The following OR51B5 variants were observed in gnomAD, a reference collection of about 807,000 sequenced individuals.
The protein encoded by OR51B5 is olfactory receptor family 51 subfamily B member 5.
For synonymous variants in OR51B5, 186 were observed against 144.8 expected, an observed-to-expected ratio of 1.28 and a Z score of -2.04; for missense variants, 456 against 374.6, an observed-to-expected ratio of 1.22 and a Z score of -1.79.
chr11:5,417,647 T>C (rs1850263759), intron 1 of OR51B5, among the ~76,000 whole-genome samples: 1 of 151,352 alleles, frequency 6.6e-6, no homozygotes, highest in South Asian at 2.1e-4. Context: ...AGAAGACATT[T>C]ATGCAGCCAA....
chr11:5,398,523 G>A (rs909102142), intron 1 of OR51B5, among the ~76,000 whole-genome samples: 2 of 152,186 alleles, frequency 1.3e-5, no homozygotes, highest in African/African-American at 4.8e-5. Flanking sequence ...TCCCACCTGA[G>A]GCTCAGAGGC....
chr11:5,369,228 G>A (rs1428409019), intron 1 of OR51B5, among the ~76,000 whole-genome samples: 1 of 58,662 alleles, frequency 1.7e-5, no homozygotes, highest in Non-Finnish European at 4.1e-5. Context: ...TTCTAGTACT[G>A]TACTGAATGA....
At position 5,452,232 on chromosome 11, in the gene OR51B5, C is replaced by T. The variant is rs192284019; in HGVS notation, n.84+53337G>A. Among the ~76,000 whole-genome samples the T allele has an allele frequency of 3.3e-3, 497 of 152,040 alleles. 1 individual carries two copies. The highest frequency in any genetic ancestry group is 5.7e-3 in the Non-Finnish European group (388 of 67,992). On this transcript the variant is annotated intron_variant and non_coding_transcript_variant, in intron 1 of 4. Coordinates refer to the OR51B5 transcript ENST00000415970. ...TATAAAGATCAAGAGGGGCCGGGCA[C>T]GGTGGCTCACGCCTGTAATCCCAGC... is the stretch of plus-strand genomic sequence containing the variant.
At chr11:5,433,702 A>C (rs1390764059) in intron 1 of OR51B5, among the ~76,000 whole-genome samples, 1 of 152,144 alleles carries the variant, frequency 6.6e-6, no homozygotes, top group African/African-American at 2.4e-5. Context: ...GCATGGTGGC[A>C]CATGCCTGTA....
At chr11:5,411,433 T>C (rs1352996434) in intron 1 of OR51B5, among the ~76,000 whole-genome samples, 1 of 151,488 alleles carries the variant, frequency 6.6e-6, no homozygotes, top group Admixed American at 6.6e-5. Flanking sequence ...CAATATTGAC[T>C]AACAACACAT....
intron 1 of OR51B5, among the ~76,000 whole-genome samples, chr11:5,475,913 T>G (rs17297624): frequency 0.11 from 16,187 of 152,258 alleles, 912 homozygotes; most frequent in Middle Eastern, 0.17. Context: ...TCTTTGCCAT[T>G]GTATCTAGAT....
intron 1 of OR51B5, among the ~76,000 whole-genome samples, chr11:5,385,674 A>C (rs1435764681): frequency 6.8e-6 from 1 of 147,454 alleles, no homozygotes; most frequent in African/African-American, 2.5e-5. Context: ...AAGAATACGT[A>C]TAAATACTAC....
chr11:5,411,472 G>A (rs4910557), intron 1 of OR51B5, among the ~76,000 whole-genome samples: 9,045 of 65,592 alleles, frequency 0.14, 303 homozygotes, highest in South Asian at 0.25. Context: ...GTTGCTAAGT[G>A]ACACATGACT....
chr11:5,344,344 T>G (rs573879594), upstream of OR51B5, among the ~76,000 whole-genome samples: 1 of 152,228 alleles, frequency 6.6e-6, no homozygotes, highest in African/African-American at 2.4e-5. Flanking sequence ...CTTTTTCTTT[T>G]TAAATTATTT....
chr11:5,442,337 C>T (rs936827143), intron 1 of OR51B5, among the ~76,000 whole-genome samples: 2 of 152,160 alleles, frequency 1.3e-5, no homozygotes, highest in African/African-American at 4.8e-5. Context: ...CTTATACACA[C>T]CTTTATTCAT....
intron 1 of OR51B5, among the ~76,000 whole-genome samples, chr11:5,464,777 T>C (rs2133796214): frequency 6.6e-6 from 1 of 152,288 alleles, no homozygotes; most frequent in African/African-American, 2.4e-5. Flanking sequence ...AGCAGCAAGA[T>C]TTATATTCCT....
Position 5,372,948 on chromosome 11 carries a change from A to G in OR51B5, n.85-26038T>C, listed in dbSNP as rs116566279. Among the ~76,000 whole-genome samples, 444 of 152,342 alleles carry G rather than the reference A, an allele frequency of 2.9e-3. 1 individual carries two copies. Among genetic ancestry groups the G allele is most frequent in the African/African-American group, 0.01 (420 of 41,566 alleles). ...ATTACAAAGCTATAGTAACCAAAAAAGTATGGTACTATCACATAAATAGAC... is the reference window on the plus strand; with the variant it reads ...ATTACAAAGCTATAGTAACCAAAAAGGTATGGTACTATCACATAAATAGAC... On this transcript the variant is annotated intron_variant and non_coding_transcript_variant, in intron 1 of 4. Coordinates refer to the OR51B5 transcript ENST00000415970.
chr11:5,411,728 A>G (rs954126336), intron 1 of OR51B5, among the ~76,000 whole-genome samples: 17 of 152,208 alleles, frequency 1.1e-4, no homozygotes, highest in African/African-American at 3.6e-4. Context: ...AGTCCTGCAT[A>G]ATCAAGTGAG....
chr11:5,429,623 G>A (rs922055426), intron 1 of OR51B5, among the ~76,000 whole-genome samples: 2 of 152,118 alleles, frequency 1.3e-5, no homozygotes, highest in African/African-American at 4.8e-5. Flanking sequence ...AGGCAAACAT[G>A]GGCAGATGCA....
At chr11:5,449,756 T>A (rs1040060885) in intron 1 of OR51B5, among the ~76,000 whole-genome samples, 39 of 152,326 alleles carry the variant, frequency 2.6e-4, no homozygotes, top group African/African-American at 8.9e-4. Flanking sequence ...ACCTATCCCA[T>A]GACAAACAGC....
At chr11:5,464,139 G>A (rs1851097283) in intron 1 of OR51B5, among the ~76,000 whole-genome samples, 1 of 152,168 alleles carries the variant, frequency 6.6e-6, no homozygotes. Context: ...GTCTCTGACT[G>A]GGACAAATTA....
At chr11:5,417,125 A>G (rs983992809) in intron 1 of OR51B5, among the ~76,000 whole-genome samples, 9 of 152,238 alleles carry the variant, frequency 5.9e-5, no homozygotes, top group South Asian at 2.1e-4. Context: ...ATAACACCGC[A>G]TATCTGCAAC....
intron 1 of OR51B5, among the ~76,000 whole-genome samples, chr11:5,368,612 T>C (rs1849408901): frequency 7.0e-6 from 1 of 143,624 alleles, no homozygotes; most frequent in African/African-American, 2.6e-5. Flanking sequence ...TTACACAAGA[T>C]ATTCTAACAT....
In OR51B5 at chr11:5,343,477, T is replaced by TG; in HGVS notation, c.47dup (p.Gly17ArgfsTer32). On this transcript the variant is annotated frameshift_variant, in exon 1 of 1. Coordinates refer to ENST00000300773, the Ensembl canonical transcript of OR51B5. LOFTEE classifies it low-confidence loss of function (END_TRUNC). ...TCCAGTGATGAGCTTCCTCCAAGCC[T>TG]GGAAAACCAGTCAATAGGAAGGGAT... The TG allele has an allele frequency of 6.8e-7, 1 of 1,478,902 alleles. No homozygotes were observed. The highest frequency in any genetic ancestry group is 9.4e-7 in the Non-Finnish European group (1 of 1,063,760). 91.6% of individuals were successfully genotyped at this position (1,478,902 alleles called of 1,614,324 possible).
Sources: allele counts gnomAD v4.1 joint callset (sites outside exome capture counted in the v4.1 genomes callset), GRCh38; gene constraint gnomAD v4.1.1; transcripts MANE v1.5; gene names NCBI Gene and HGNC (gene_info 2026-07-23, HGNC 2026-07-21).